The following HMCN1 variants were observed in gnomAD, a reference collection of about 807,000 sequenced individuals.
HMCN1 encodes the protein hemicentin-1.
A neutral mutation model predicts 625.9 loss-of-function variants in HMCN1; 321 were observed. The ratio of observed to expected loss-of-function variants is 0.51; its 90% CI spans 0.47 to 0.56. The LOEUF is 0.56. Among genes scored for constraint, HMCN1 ranks in the 20% least tolerant of loss-of-function variants. The pLI is 0.00. For missense variants in HMCN1, 6,588 were observed against 6,887.3 expected (o/e 0.96, Z 1.54); for synonymous variants, 2,425 against 2,417.6 (o/e 1.00, Z -0.09).
intron 2 of HMCN1, among the ~76,000 whole-genome samples, chr1:185,861,886 A>T (rs1398873755): frequency 6.6e-6 from 1 of 152,200 alleles, no homozygotes; most frequent in Non-Finnish European, 1.5e-5. Context: ...TTAAGCCAGC[A>T]CTGTGCTATG....
At chr1:186,064,954 T>C (rs952597108) in intron 48 of HMCN1, among the ~76,000 whole-genome samples, 6 of 152,082 alleles carry the variant, frequency 3.9e-5, no homozygotes, top group African/African-American at 1.4e-4. Context: ...ATAAATTTAG[T>C]TATTTAGTTA....
In HMCN1 at chr1:185,873,528, G is replaced by A. The variant is rs1663756827; in HGVS notation, c.621+7665G>A. ...ACACAAGGGAACATGCAAAAAATCAGCAATGATGAGACAAATAAAATTCTG... is the reference window on the plus strand; with the variant it reads ...ACACAAGGGAACATGCAAAAAATCAACAATGATGAGACAAATAAAATTCTG... On this transcript the variant is annotated intron_variant, in intron 4 of 106. Transcript: ENST00000271588. Among the ~76,000 whole-genome samples, 4 of 152,034 alleles carry A rather than the reference G, an allele frequency of 2.6e-5. No individual in the cohort carries two copies. The South Asian group carries it at 6.2e-4, about 24-fold the overall frequency.
chr1:186,015,869 G>GA (rs1431771456), intron 31 of HMCN1, 89 bp from the exon 32 acceptor site: 1 of 1,289,458 alleles, frequency 7.8e-7, no homozygotes, highest in African/African-American at 1.5e-5. Flanking sequence ...AACTTTGTGA[G>GA]AAAAAACAAA....
At chr1:186,121,489 A>G (rs1364427895) in intron 80 of HMCN1, among the ~76,000 whole-genome samples, 2 of 152,124 alleles carry the variant, frequency 1.3e-5, no homozygotes, top group Non-Finnish European at 2.9e-5. Context: ...AGGATTTCTG[A>G]TGAATTGGTA....
In HMCN1 at chr1:186,086,087, T is replaced by A. The variant is rs528323905; in HGVS notation, c.8885-159T>A. Among the ~76,000 whole-genome samples the A allele has an allele frequency of 2.0e-5, 3 of 152,302 alleles. No individual in the cohort carries two copies. In the East Asian group the frequency reaches 5.8e-4, roughly 29 times the overall value. On this transcript the variant is annotated intron_variant, in intron 57 of 106. Coordinates refer to ENST00000271588, the MANE Select transcript of HMCN1 (RefSeq NM_031935.3). ...GGAAAAATAAACTCCAACGTGAGTTTGATGAAGGCATTAGGGAATTGTAAG... is the reference window on the plus strand; with the variant it reads ...GGAAAAATAAACTCCAACGTGAGTTAGATGAAGGCATTAGGGAATTGTAAG...
chr1:186,005,006 T>C (rs1653457134), intron 29 of HMCN1, among the ~76,000 whole-genome samples: 1 of 150,946 alleles, frequency 6.6e-6, no homozygotes, highest in African/African-American at 2.5e-5. Context: ...AACAATAACC[T>C]GACACCATTG....
intron 1 of HMCN1, among the ~76,000 whole-genome samples, chr1:185,841,681 A>G (rs1435281104): frequency 6.6e-6 from 1 of 152,212 alleles, no homozygotes; most frequent in Admixed American, 6.5e-5. Flanking sequence ...TCAGGCAATC[A>G]TAGTATCATA....
In HMCN1 at chr1:186,016,042, C is replaced by G; in HGVS notation, c.4994C>G (p.Ala1665Gly). 1 of 1,613,442 alleles carries G rather than the reference C, an allele frequency of 6.2e-7. No homozygotes were observed. The highest frequency in any genetic ancestry group is 8.5e-7 in the Non-Finnish European group (1 of 1,179,574). ...CATTCTCTGACACTGGAGTGCAAAG[C>G]TGCTGGAAACCCTTCTCCCATTCTC... is the stretch of plus-strand genomic sequence containing the variant. The part of the protein sequence containing the change: ...IAHSLTLECK[A>G]AGNPSPILTW... Residue 1665 changes from alanine to glycine, a missense_variant, in exon 32 of 107, where the codon GCT becomes GGT. By Grantham distance (60) the Ala-to-Gly change is moderately conservative. This residue lies in a region of HMCN1 where 4,628 missense variants were observed against 4,853.1 expected (regional missense o/e 0.95). Coordinates refer to ENST00000271588, the MANE Select transcript of HMCN1 (RefSeq NM_031935.3).
Position 186,061,838 on chromosome 1 carries a change from T to A in HMCN1, c.7313-13T>A. On this transcript the variant is annotated splice_polypyrimidine_tract_variant and intron_variant, in intron 46 of 106. Transcript: ENST00000271588. ...TTTTTAAGTTATCTTAAAAAGATGG[T>A]TTGCTTCTGCAGGAGGCAGGATGCT... The A allele has an allele frequency of 6.4e-7, 1 of 1,567,840 alleles. No individual in the cohort carries two copies. The highest frequency in any genetic ancestry group is 8.8e-7 in the Non-Finnish European group (1 of 1,138,940).
At position 185,896,083 on chromosome 1, in the gene HMCN1, C is replaced by T. The variant is rs377343477; in HGVS notation, c.622-13254C>T. 1.6e-3 allele frequency among the ~76,000 whole-genome samples: 240 copies of T among 151,996 alleles called. 3 individuals are homozygous for T. Among genetic ancestry groups the T allele is most frequent in the South Asian group, 5.6e-3 (27 of 4,786 alleles). The stretch of plus-strand genomic sequence containing the variant: ...CTTGAGTAGCTGGGACTACAGGCGC[C>T]CGCCACCATGCCCGGCTAACTTTTT... On this transcript the variant is annotated intron_variant, in intron 4 of 106. Coordinates refer to ENST00000271588, the MANE Select transcript of HMCN1 (RefSeq NM_031935.3).
At chr1:185,756,133 T>G (rs948634723) in intron 1 of HMCN1, among the ~76,000 whole-genome samples, 1 of 152,196 alleles carries the variant, frequency 6.6e-6, no homozygotes, top group African/African-American at 2.4e-5. Flanking sequence ...ATAGTGTGAA[T>G]GGGTTTAGAA....
At chr1:185,950,199 G>A (rs28696376) in intron 11 of HMCN1, among the ~76,000 whole-genome samples, 6,377 of 148,882 alleles carry the variant, frequency 0.043, 338 homozygotes, top group African/African-American at 0.12. Context: ...CAGGGACAAC[G>A]GTAATTGTGG....
intron 39 of HMCN1, 104 bp from the exon 40 acceptor site, chr1:186,040,909 A>G: frequency 8.0e-7 from 1 of 1,250,806 alleles, no homozygotes; most frequent in Non-Finnish European, 1.2e-6. Context: ...TCTTCCTAAA[A>G]GGCAAATGTC....
intron 97 of HMCN1, among the ~76,000 whole-genome samples, chr1:186,160,813 C>T (rs1340636657): frequency 1.3e-5 from 2 of 150,976 alleles, no homozygotes; most frequent in Admixed American, 6.6e-5. Context: ...TGTTCTTTTA[C>T]ATTTGTTGAG....
intron 1 of HMCN1, among the ~76,000 whole-genome samples, chr1:185,823,719 A>G (rs367838400): frequency 1.6e-4 from 25 of 152,318 alleles, no homozygotes; most frequent in African/African-American, 5.5e-4. Flanking sequence ...TAAACCACCC[A>G]AAGGACCTGT....
chr1:185,746,850 G>T (rs1014750065), intron 1 of HMCN1, among the ~76,000 whole-genome samples: 2 of 152,000 alleles, frequency 1.3e-5, no homozygotes, highest in African/African-American at 4.8e-5. Flanking sequence ...CAGGCCATCT[G>T]CCCACCTCAG....
At chr1:186,178,888 C>T in intron 104 of HMCN1, 122 bp downstream of exon 104, 1 of 764,680 alleles carries the variant, frequency 1.3e-6, no homozygotes, top group South Asian at 1.4e-5. Context: ...CGGAATGACT[C>T]AAAATTTCAA....
Position 186,189,543 on chromosome 1 carries a change from T to G in HMCN1, c.16573T>G (p.Leu5525Val), listed in dbSNP as rs761197473. The G allele has an allele frequency of 1.2e-6, 2 of 1,613,578 alleles. No homozygotes were observed. The highest frequency in any genetic ancestry group is 4.5e-5 in the East Asian group (2 of 44,880). ...FCLKNCPPND[L>V]ECALSPYALE... ...CCTCAAGAACTGTCCACCCAATGAT[T>G]TGGAATGTGCCTTGAGCCCATATGC... Residue 5525 changes from leucine to valine, a missense_variant, in exon 107 of 107, where the codon TTG becomes GTG. This residue lies in a region of HMCN1 where 1,954 missense variants were observed against 2,013.1 expected (regional missense o/e 0.97). Coordinates refer to ENST00000271588, the MANE Select transcript of HMCN1 (RefSeq NM_031935.3).
rs760278332 is a variant in HMCN1 at position 186,151,383 on chromosome 1, T to C, written c.14758+34T>C. On this transcript the variant is annotated intron_variant, in intron 94 of 106. Transcript: ENST00000271588. ...TTGCCTCAAGCCTCTTTTTAAAAAC[T>C]TATATATTATTCTTCATCTTATTAC... The C allele has an allele frequency of 3.8e-6, 6 of 1,578,194 alleles. No homozygotes were observed. The African/African-American group carries it at 8.1e-5, about 21-fold the overall frequency.
Sources: allele counts gnomAD v4.1 joint callset (sites outside exome capture counted in the v4.1 genomes callset), GRCh38; gene constraint gnomAD v4.1.1; regional missense constraint gnomAD v4.1.1; transcripts MANE v1.5; gene names NCBI Gene and HGNC (gene_info 2026-07-23, HGNC 2026-07-21).